Variants in NEGR1 observed in about 807,000 individuals in gnomAD.
NEGR1 encodes neuronal growth regulator 1.
In NEGR1, 10 loss-of-function variants were observed where a neutral mutation model predicts 40.9. That is an observed-to-expected ratio of 0.24 (90% CI 0.15 to 0.42). The LOEUF is 0.42. Among genes scored for constraint, NEGR1 ranks in the 10% least tolerant of loss-of-function variants. The pLI is 1.00. For missense variants in NEGR1, 352 were observed against 438.9 expected, an observed-to-expected ratio of 0.80 and a Z score of 1.77; for synonymous variants, 185 against 166.8, an observed-to-expected ratio of 1.11 and a Z score of -0.84.
At chr1:71,774,864 A>G (rs1656448156) in intron 3 of NEGR1, among the ~76,000 whole-genome samples, 1 of 152,186 alleles carries the variant, frequency 6.6e-6, no homozygotes, top group Admixed American at 6.5e-5. Flanking sequence ...ACCTGTTTTG[A>G]TGATGACTAA....
chr1:71,794,090 A>C (rs1657228122), intron 2 of NEGR1: 1 of 152,186 alleles, frequency 6.6e-6, no homozygotes, highest in African/African-American at 2.4e-5. Flanking sequence ...GCAAAGGTGC[A>C]AACAAGTCAT....
intron 2 of NEGR1, among the ~76,000 whole-genome samples, chr1:71,857,694 A>G (rs1183510775): frequency 6.7e-6 from 1 of 149,452 alleles, no homozygotes; most frequent in Non-Finnish European, 1.5e-5. Context: ...AAGAGAATGT[A>G]TGTGAAAATG....
intron 1 of NEGR1, among the ~76,000 whole-genome samples, chr1:71,997,736 T>C (rs1646517701): frequency 6.6e-6 from 1 of 151,984 alleles, no homozygotes; most frequent in Non-Finnish European, 1.5e-5. Flanking sequence ...TAATAACCTG[T>C]TTATGTCTCT....
Position 72,160,640 on chromosome 1 carries a change from G to A in NEGR1, c.176+121679C>T, listed in dbSNP as rs546338324. On this transcript the variant is annotated intron_variant, in intron 1 of 6. Transcript: ENST00000357731. ...ATACATAGATTCTATCATGATTCTCGCTCCTGAAAATACTAACAAAGGGGA... is the reference window on the plus strand; with the variant it reads ...ATACATAGATTCTATCATGATTCTCACTCCTGAAAATACTAACAAAGGGGA... Among the ~76,000 whole-genome samples, 9 of 152,026 alleles carry A rather than the reference G, an allele frequency of 5.9e-5. No homozygotes were observed. In the South Asian group the frequency reaches 1.5e-3, roughly 25 times the overall value.
chr1:72,195,059 T>A (rs946803460), intron 1 of NEGR1, among the ~76,000 whole-genome samples: 3 of 152,052 alleles, frequency 2.0e-5, no homozygotes, highest in African/African-American at 7.2e-5. Flanking sequence ...CCATTATGCA[T>A]CATGACAATG....
chr1:71,756,426 A>C (rs1454625738), intron 3 of NEGR1, among the ~76,000 whole-genome samples: 1 of 139,654 alleles, frequency 7.2e-6, no homozygotes, highest in African/African-American at 2.7e-5. Context: ...AAAAAAAACC[A>C]AAAAAAACCA....
intron 2 of NEGR1, among the ~76,000 whole-genome samples, chr1:71,824,249 C>G (rs1194598648): frequency 1.3e-5 from 2 of 151,834 alleles, no homozygotes; most frequent in Non-Finnish European, 1.5e-5. Flanking sequence ...AATTTTGATG[C>G]ATTAGCCACT....
chr1:71,813,153 T>A (rs1054724115), intron 2 of NEGR1, among the ~76,000 whole-genome samples: 3 of 152,170 alleles, frequency 2.0e-5, no homozygotes, highest in Non-Finnish European at 4.4e-5. Flanking sequence ...TGTATATGGC[T>A]AGCCAGTTTT....
intron 2 of NEGR1, among the ~76,000 whole-genome samples, chr1:71,922,657 T>C: frequency 6.6e-6 from 1 of 152,170 alleles, no homozygotes; most frequent in East Asian, 1.9e-4. Context: ...ATCAATTGCA[T>C]CCTAATTCAA....
chr1:71,921,744 C>T (rs1360669317), intron 2 of NEGR1, among the ~76,000 whole-genome samples: 2 of 141,346 alleles, frequency 1.4e-5, no homozygotes, highest in Admixed American at 7.0e-5. Flanking sequence ...AGAATACCAT[C>T]GCATGGTTCA....
intron 2 of NEGR1, among the ~76,000 whole-genome samples, chr1:71,850,970 A>G (rs1001506592): frequency 3.9e-5 from 6 of 152,164 alleles, no homozygotes; most frequent in African/African-American, 1.4e-4. Flanking sequence ...CTCATGGACC[A>G]TGTGCCAGAC....
chr1:71,907,839 A>T (rs1421790269), intron 2 of NEGR1, among the ~76,000 whole-genome samples: 1 of 152,128 alleles, frequency 6.6e-6, no homozygotes, highest in Non-Finnish European at 1.5e-5. Context: ...GAACAAAATC[A>T]TGTCCTTTGC....
intron 6 of NEGR1, among the ~76,000 whole-genome samples, chr1:71,436,053 C>A (rs1393284804): frequency 6.6e-6 from 1 of 152,080 alleles, no homozygotes; most frequent in Non-Finnish European, 1.5e-5. Flanking sequence ...TCATGAAAAT[C>A]TAGAAGGATT....
chr1:71,932,043 C>A (rs1355668694), intron 2 of NEGR1, among the ~76,000 whole-genome samples: 2 of 151,924 alleles, frequency 1.3e-5, no homozygotes, highest in African/African-American at 4.8e-5. Flanking sequence ...CTTTTAAAGC[C>A]AGGCTCCAAA....
At chr1:71,806,194 T>C (rs1657764933) in intron 2 of NEGR1, among the ~76,000 whole-genome samples, 1 of 152,022 alleles carries the variant, frequency 6.6e-6, no homozygotes. Context: ...GTTGATTTGG[T>C]CTGGCCAAGA....
intron 1 of NEGR1, among the ~76,000 whole-genome samples, chr1:71,979,602 C>T (rs1646337137): frequency 6.6e-6 from 1 of 152,094 alleles, no homozygotes; most frequent in South Asian, 2.1e-4. Flanking sequence ...GGACAAAGAA[C>T]AACCCACAAA....
intron 5 of NEGR1, among the ~76,000 whole-genome samples, chr1:71,606,124 C>T (rs1402079927): frequency 6.6e-6 from 1 of 152,142 alleles, no homozygotes; most frequent in African/African-American, 2.4e-5. Context: ...AAGGTTTCCC[C>T]ATATAGCTAA....
intron 6 of NEGR1, among the ~76,000 whole-genome samples, chr1:71,555,828 T>A (rs780378484): frequency 6.6e-6 from 1 of 151,584 alleles, no homozygotes. Context: ...TCACTCTCAC[T>A]GAAGTCATTT....
chr1:71,760,845 A>G (rs1004090165), intron 3 of NEGR1, among the ~76,000 whole-genome samples: 1 of 152,222 alleles, frequency 6.6e-6, no homozygotes, highest in Non-Finnish European at 1.5e-5. Flanking sequence ...TCCAGCTCTC[A>G]GCATTTCTAA....
Sources: allele counts gnomAD v4.1 joint callset (sites outside exome capture counted in the v4.1 genomes callset), GRCh38; gene constraint gnomAD v4.1.1; transcripts MANE v1.5; gene names NCBI Gene and HGNC (gene_info 2026-07-23, HGNC 2026-07-21).